Variants in SND1 observed in about 807,000 individuals in gnomAD.
SND1 encodes the protein staphylococcal nuclease domain-containing protein 1.
SND1 carries 38 observed loss-of-function variants against 121.7 expected under a neutral mutation model. The ratio of observed to expected loss-of-function variants is 0.31; its 90% CI spans 0.24 to 0.41. SND1 has a LOEUF of 0.41. Among genes scored for constraint, SND1 ranks in the 10% least tolerant of loss-of-function variants. The pLI is 1.00. For synonymous variants in SND1, 401 were observed against 447.4 expected (o/e 0.90, Z 1.31); for missense variants, 868 against 1,184.6 (o/e 0.73, Z 3.92).
Position 127,720,776 on chromosome 7 carries a change from C to A in SND1, c.1039-511C>A, listed in dbSNP as rs115105081. On this transcript the variant is annotated intron_variant, in intron 9 of 23. Transcript: ENST00000354725. ...AGATTAACAGCTGAGCATCTCCTTT[C>A]CCATGCTGAGATGACAATTCTTTTT... Among the ~76,000 whole-genome samples, 883 of 152,248 alleles carry A rather than the reference C, an allele frequency of 5.8e-3. 15 individuals carry two copies. The highest frequency in any genetic ancestry group is 0.02 in the African/African-American group (841 of 41,534).
intron 1 of SND1, among the ~76,000 whole-genome samples, chr7:127,667,263 T>C (rs573073495): frequency 1.3e-5 from 2 of 152,270 alleles, no homozygotes; most frequent in African/African-American, 4.8e-5. Context: ...ATAGGTCAAG[T>C]TTAGGGAAAA....
chr7:127,851,568 A>G (rs1799165439), intron 12 of SND1, among the ~76,000 whole-genome samples: 1 of 152,198 alleles, frequency 6.6e-6, no homozygotes. Context: ...CATATCACTT[A>G]TTCATTTAGC....
Position 128,086,953 on chromosome 7 carries a change from T to G in SND1, c.2320T>G (p.Ser774Ala). Residue 774 changes from serine to alanine, a missense_variant, in exon 21 of 24, where the codon TCC becomes GCC. By Grantham distance (99) the Ser-to-Ala change is moderately conservative. Around this residue, in one of 2 missense-constraint regions of SND1, gnomAD observed 743 missense variants for 1,071.3 expected, o/e 0.69. Transcript: ENST00000354725. ...IDYGNREVLP[S>A]TRLGTLSPAF... ...TCCTCTGCAGAGAGAGGTCCTGCCA[T>G]CCACCCGCCTGGGTACCCTATCACC... 1 of 1,614,090 alleles carries G rather than the reference T, an allele frequency of 6.2e-7. No individual in the cohort carries two copies. Among genetic ancestry groups the G allele is most frequent in the Non-Finnish European group, 8.5e-7 (1 of 1,180,012 alleles).
rs1793066233 is a variant in SND1 at position 128,052,637 on chromosome 7, A to G, written c.1780-21865A>G. ...CCTGTCAGAGCTCAGCATCAGAGTG[A>G]CAGCTGCATACCAGGCTGTTTGCTG... On this transcript the variant is annotated intron_variant, in intron 16 of 23. Transcript: ENST00000354725. The surrounding 1 kb of genome is among the most constrained non-coding windows in gnomAD (Gnocchi z 4.6). 6.6e-6 allele frequency among the ~76,000 whole-genome samples: 1 copy of G among 152,210 alleles called. No individual in the cohort carries two copies. The highest frequency in any genetic ancestry group is 6.5e-5 in the Admixed American group (1 of 15,282).
chr7:127,748,061 C>A (rs1279163921), intron 10 of SND1, among the ~76,000 whole-genome samples: 2 of 152,140 alleles, frequency 1.3e-5, no homozygotes, highest in Admixed American at 1.3e-4. Context: ...ACCAACTGGC[C>A]AAGTCAGTGT....
At chr7:128,082,062 C>T (rs1793613894) in intron 18 of SND1, 1 of 480,768 alleles carries the variant, frequency 2.1e-6, no homozygotes, top group South Asian at 1.5e-5. Context: ...GGACCTTCTC[C>T]TCCTTCCGTC....
intron 11 of SND1, among the ~76,000 whole-genome samples, chr7:127,808,116 G>A (rs1218738366): frequency 2.6e-5 from 4 of 150,984 alleles, no homozygotes; most frequent in Non-Finnish European, 5.9e-5. Context: ...AGGGGTGTGT[G>A]GCTTCCTGAT....
intron 12 of SND1, 52 bp downstream of exon 12, chr7:127,844,476 T>C: frequency 5.8e-6 from 8 of 1,374,992 alleles, no homozygotes; most frequent in Non-Finnish European, 8.2e-6. Context: ...TAGCTAAGAG[T>C]TCTTTGCTCA....
intron 3 of SND1, among the ~76,000 whole-genome samples, chr7:127,697,937 A>AT (rs1796035734): frequency 6.6e-6 from 1 of 152,210 alleles, no homozygotes; most frequent in East Asian, 1.9e-4. Context: ...CATATTAAAG[A>AT]TTTTTATGTG....
intron 11 of SND1, among the ~76,000 whole-genome samples, chr7:127,843,340 G>A (rs549430935): frequency 1.5e-4 from 23 of 152,054 alleles, no homozygotes; most frequent in African/African-American, 3.1e-4. Flanking sequence ...CTATAGTGTC[G>A]TACAGAATAG....
At chr7:128,032,106 G>A (rs1277129264) in intron 16 of SND1, 1 of 151,948 alleles carries the variant, frequency 6.6e-6, no homozygotes, top group Non-Finnish European at 1.5e-5. Flanking sequence ...GAACGTGAAT[G>A]TACTGCTGAC....
At chr7:127,705,943 T>C (rs1796185795) in intron 8 of SND1, among the ~76,000 whole-genome samples, 1 of 152,214 alleles carries the variant, frequency 6.6e-6, no homozygotes, top group Non-Finnish European at 1.5e-5. Flanking sequence ...TTTTCATCCT[T>C]GAGTACCTAT....
At chr7:128,055,806 G>T (rs1156822178) in intron 16 of SND1, among the ~76,000 whole-genome samples, 2 of 152,134 alleles carry the variant, frequency 1.3e-5, no homozygotes, top group Non-Finnish European at 2.9e-5. Context: ...CTGCTTCCTG[G>T]CCTTTCTCAG....
intron 3 of SND1, among the ~76,000 whole-genome samples, chr7:127,698,187 C>T (rs1287996357): frequency 6.6e-6 from 1 of 152,108 alleles, no homozygotes; most frequent in East Asian, 1.9e-4. Context: ...CCTATGAGAG[C>T]AAGAGAAAGT....
intron 10 of SND1, among the ~76,000 whole-genome samples, chr7:127,724,415 G>A (rs1796549374): frequency 6.6e-6 from 1 of 152,194 alleles, no homozygotes; most frequent in South Asian, 2.1e-4. Flanking sequence ...CCTGTGGACG[G>A]TGCATGAGTG....
chr7:127,914,666 A>G (rs926952442), intron 14 of SND1, among the ~76,000 whole-genome samples: 5 of 152,156 alleles, frequency 3.3e-5, no homozygotes, highest in Non-Finnish European at 5.9e-5. Flanking sequence ...CCATCCTCCA[A>G]GGTACAGGAT....
intron 15 of SND1, among the ~76,000 whole-genome samples, chr7:127,943,260 C>A (rs779637509): frequency 1.8e-4 from 28 of 152,160 alleles, no homozygotes; most frequent in Admixed American, 8.5e-4. Context: ...CCATACACAG[C>A]ACATCAGAGC....
rs550801604 is a variant in SND1 at position 128,061,722 on chromosome 7, C to T, written c.1780-12780C>T. ...GCATGGGCCAGGGTCATTAACCAGG[C>T]TGATCCAGCCTCTGACATGCTGCAT... On this transcript the variant is annotated intron_variant, in intron 16 of 23. Coordinates refer to ENST00000354725, the MANE Select transcript of SND1 (RefSeq NM_014390.4). 1.9e-3 allele frequency among the ~76,000 whole-genome samples: 287 copies of T among 152,372 alleles called. 1 individual carries two copies. Among genetic ancestry groups the T allele is most frequent in the African/African-American group, 6.5e-3 (270 of 41,594 alleles).
At chr7:127,997,799 T>G (rs773920822) in intron 16 of SND1, 35 of 534,688 alleles carry the variant, frequency 6.5e-5, no homozygotes, top group African/African-American at 6.3e-4. Flanking sequence ...CTCCCATCTC[T>G]CAGGTAGACT....
Sources: allele counts gnomAD v4.1 joint callset (sites outside exome capture counted in the v4.1 genomes callset), GRCh38; gene constraint gnomAD v4.1.1; regional missense constraint gnomAD v4.1.1; non-coding constraint Gnocchi (gnomAD v3.1); transcripts MANE v1.5; gene names NCBI Gene and HGNC (gene_info 2026-07-23, HGNC 2026-07-21).